Variants in SLCO1B1 observed in about 807,000 individuals in gnomAD.
SLCO1B1 encodes OATP-2.
In SLCO1B1, 81 loss-of-function variants were observed where a neutral mutation model predicts 70.1. The ratio of observed to expected loss-of-function variants is 1.16; its 90% CI spans 0.97 to 1.39. The LOEUF is 1.39. SLCO1B1 is among the 40% of genes most tolerant of loss of function. SLCO1B1 has a pLI of 0.00. For synonymous variants in SLCO1B1, 283 were observed against 271.5 expected (o/e 1.04, Z -0.42); for missense variants, 895 against 799.6 (o/e 1.12, Z -1.44).
chr12:21,234,639 C>T (rs764269338), intron 14 of SLCO1B1, among the ~76,000 whole-genome samples: 45 of 152,040 alleles, frequency 3.0e-4, no homozygotes, highest in Non-Finnish European at 4.7e-4. Flanking sequence ...CTTTCAGTCT[C>T]GGTTATAGTT....
At chr12:21,142,214 C>T (rs1364497179) in intron 2 of SLCO1B1, among the ~76,000 whole-genome samples, 1 of 151,892 alleles carries the variant, frequency 6.6e-6, no homozygotes. Flanking sequence ...CATTTGCCAG[C>T]TGGTAAAAGT....
rs181701211 is a variant in SLCO1B1, at chr12:21,164,783, A to G, written c.85-7867A>G. On this transcript the variant is annotated intron_variant, in intron 2 of 14. Coordinates refer to ENST00000256958, the MANE Select transcript of SLCO1B1 (RefSeq NM_006446.5). ...ATAATCAACTGAAGACTTAGCCCCA[A>G]TGTCAACACATCTTTAAGAACTTTA... 1.2e-3 allele frequency: 561 copies of G among 471,508 alleles called. 1 individual carries two copies. The highest frequency in any genetic ancestry group is 1.9e-3 in the Non-Finnish European group (434 of 234,048). 29.2% of individuals were successfully genotyped at this position (471,508 alleles called of 1,614,324 possible). A position where few individuals can be genotyped will look rare whatever the true frequency, so the allele number is the denominator to read the frequency against.
At chr12:21,157,261 C>T (rs1242303324) in intron 2 of SLCO1B1, among the ~76,000 whole-genome samples, 1 of 152,104 alleles carries the variant, frequency 6.6e-6, no homozygotes, top group Admixed American at 6.6e-5. Context: ...TCTCAGTCCA[C>T]AGATGGGTTC....
intron 13 of SLCO1B1, among the ~76,000 whole-genome samples, chr12:21,222,945 G>C (rs1941444615): frequency 6.6e-6 from 1 of 152,124 alleles, no homozygotes; most frequent in South Asian, 2.1e-4. Context: ...GAATAGAAGA[G>C]AGGAAATGAG....
rs912568831 is a variant in SLCO1B1 at position 21,203,139 on chromosome 12, A to G, written c.1331+453A>G. ...AGCCAAAAGTGACTAAACAACTTTT[A>G]TCTACAGTTCATATCGATGTTCAAC... On this transcript the variant is annotated intron_variant, in intron 10 of 14. Coordinates refer to ENST00000256958, the MANE Select transcript of SLCO1B1 (RefSeq NM_006446.5). Among the ~76,000 whole-genome samples, 7 of 152,278 alleles carry G rather than the reference A, an allele frequency of 4.6e-5. No individual in the cohort carries two copies. The East Asian group carries it at 1.2e-3, about 25-fold the overall frequency.
chr12:21,174,731 A>AC, intron 4 of SLCO1B1, 22 bp downstream of exon 4: 2 of 1,607,106 alleles, frequency 1.2e-6, no homozygotes, highest in Non-Finnish European at 1.7e-6. Flanking sequence ...AAAAAAAAAA[A>AC]ACCTCTGTGC....
At chr12:21,176,008 A>G (rs1940814749) in intron 4 of SLCO1B1, among the ~76,000 whole-genome samples, 1 of 152,006 alleles carries the variant, frequency 6.6e-6, no homozygotes, top group South Asian at 2.1e-4. Context: ...CATCTTCCAG[A>G]TTCGTTTTAC....
chr12:21,197,132 A>C lies in SLCO1B1; in HGVS notation c.914A>C (p.Lys305Thr), dbSNP rs1422103354. ...SLHVLETNDE[K>T]DQTANLTNQG... ...CATGTGCTGGAAACAAATGATGAAAAGGATCAAACAGCTAATTTGACCAAT... is the reference window on the plus strand; with the variant it reads ...CATGTGCTGGAAACAAATGATGAAACGGATCAAACAGCTAATTTGACCAAT... The change falls in exon 8 of 15, where the codon AAG becomes ACG. Residue 305 changes from lysine (K) to threonine (T), a missense_variant. By Grantham distance (78) the Lys-to-Thr change is moderately conservative. Transcript: ENST00000256958. 1 of 1,613,606 alleles carries C rather than the reference A, an allele frequency of 6.2e-7. No homozygotes were observed. Among genetic ancestry groups the C allele is most frequent in the South Asian group, 1.1e-5 (1 of 91,074 alleles).
At chr12:21,143,077 G>C (rs1940333363) in intron 2 of SLCO1B1, among the ~76,000 whole-genome samples, 1 of 151,932 alleles carries the variant, frequency 6.6e-6, no homozygotes, top group South Asian at 2.1e-4. Context: ...TGTTAACATT[G>C]ATATGTTGTT....
intron 10 of SLCO1B1, among the ~76,000 whole-genome samples, chr12:21,204,085 T>A (rs1488676736): frequency 6.6e-6 from 1 of 152,090 alleles, no homozygotes; most frequent in African/African-American, 2.4e-5. Context: ...AATCTAATGA[T>A]AAATAATATA....
chr12:21,214,711 C>G (rs1003596871), intron 11 of SLCO1B1, among the ~76,000 whole-genome samples: 4 of 152,068 alleles, frequency 2.6e-5, no homozygotes, highest in Non-Finnish European at 5.9e-5. Flanking sequence ...TAGCAATCAG[C>G]GAGACTCCAT....
At chr12:21,153,299 T>G (rs1480642694) in intron 2 of SLCO1B1, among the ~76,000 whole-genome samples, 1 of 152,190 alleles carries the variant, frequency 6.6e-6, no homozygotes, top group East Asian at 1.9e-4. Flanking sequence ...TCTTATCTCA[T>G]GTCTTACAGT....
chr12:21,202,804 A>C (rs1202690572), intron 10 of SLCO1B1, 118 bp downstream of exon 10: 1 of 838,114 alleles, frequency 1.2e-6, no homozygotes. Context: ...GTTAAGAGAA[A>C]TTTCAATTTT....
chr12:21,225,468 C>G (rs1341599905), intron 14 of SLCO1B1, among the ~76,000 whole-genome samples: 1 of 152,010 alleles, frequency 6.6e-6, no homozygotes, highest in East Asian at 1.9e-4. Context: ...ACAAATTATA[C>G]ACTTTGAAAT....
chr12:21,162,283 A>AT (rs886155024), intron 2 of SLCO1B1, among the ~76,000 whole-genome samples: 1 of 152,002 alleles, frequency 6.6e-6, no homozygotes, highest in African/African-American at 2.4e-5. Flanking sequence ...AATTGACTAT[A>AT]TTTTTTTATT....
In SLCO1B1 at chr12:21,156,352, C is replaced by T. The variant is rs145748978; in HGVS notation, c.84+14694C>T. On this transcript the variant is annotated intron_variant, in intron 2 of 14. Transcript: ENST00000256958. Reference sequence around the variant, plus strand: ...AATGTTCATCTTTTAAGTAAAAGAACCTTAAAATTTGTAAGCAGCTAAATC... The same window carrying T: ...AATGTTCATCTTTTAAGTAAAAGAATCTTAAAATTTGTAAGCAGCTAAATC... Among the ~76,000 whole-genome samples the T allele has an allele frequency of 3.3e-3, 497 of 152,062 alleles. 1 individual carries two copies. The highest frequency in any genetic ancestry group is 0.02 in the South Asian group (94 of 4,812).
intron 2 of SLCO1B1, among the ~76,000 whole-genome samples, chr12:21,144,280 T>C (rs1273256850): frequency 6.6e-6 from 1 of 152,072 alleles, no homozygotes; most frequent in Non-Finnish European, 1.5e-5. Flanking sequence ...AATACAATTA[T>C]AGTAATTAAC....
intron 4 of SLCO1B1, among the ~76,000 whole-genome samples, chr12:21,176,222 C>G (rs1040257602): frequency 6.6e-6 from 1 of 152,040 alleles, no homozygotes; most frequent in Non-Finnish European, 1.5e-5. Flanking sequence ...AGCATAATGC[C>G]TGGAATACAG....
At position 21,209,037 on chromosome 12, in the gene SLCO1B1, GT is replaced by G. The variant is rs970936176; in HGVS notation, c.1497+3013del. 1.7e-3 allele frequency among the ~76,000 whole-genome samples: 260 copies of G among 149,554 alleles called. 1 individual carries two copies. The highest frequency in any genetic ancestry group is 0.012 in the South Asian group (56 of 4,712). On this transcript the variant is annotated intron_variant, in intron 11 of 14. Transcript: ENST00000256958. ...GGAGGCTTTTGGCAGAGTATTTAGGGTTTTTTTTTAATTAATTAATTTATTT... is the reference window on the plus strand; with the variant it reads ...GGAGGCTTTTGGCAGAGTATTTAGGGTTTTTTTTAATTAATTAATTTATTT...
Sources: gnomAD v4.1 joint callset for allele counts (sites outside exome capture counted in the v4.1 genomes callset) on GRCh38, gnomAD v4.1.1 for gene constraint, MANE v1.5 for transcripts, NCBI Gene and HGNC (gene_info 2026-07-23, HGNC 2026-07-21) for gene names.